Variants in MARCHF3 observed in about 807,000 individuals in gnomAD.
The protein encoded by MARCHF3 is E3 ubiquitin-protein ligase MARCHF3.
Under a neutral mutation model 24.2 loss-of-function variants are expected in MARCHF3, and 13 were observed. That is an observed-to-expected ratio of 0.54 (90% CI 0.35 to 0.85). The LOEUF is 0.85. Ranked by LOEUF, MARCHF3 falls within the 40% of genes least tolerant of loss-of-function variation. The pLI is 0.01. For synonymous variants in MARCHF3, 144 were observed against 137.3 expected, an observed-to-expected ratio of 1.05 and a Z score of -0.34; for missense variants, 276 against 325.0, an observed-to-expected ratio of 0.85 and a Z score of 1.16.
At chr5:126,990,582 A>G (rs971021727) in intron 1 of MARCHF3, among the ~76,000 whole-genome samples, 1 of 152,230 alleles carries the variant, frequency 6.6e-6, no homozygotes, top group Admixed American at 6.5e-5. Context: ...CTGCATGGCA[A>G]AAGAAACTAC....
At chr5:126,986,440 T>C (rs1197398576) in intron 1 of MARCHF3, among the ~76,000 whole-genome samples, 1 of 152,240 alleles carries the variant, frequency 6.6e-6, no homozygotes, top group East Asian at 1.9e-4. Flanking sequence ...CTCAAGGTAA[T>C]GTGAATAAAC....
At chr5:126,896,050 C>A (rs942463748) in intron 3 of MARCHF3, among the ~76,000 whole-genome samples, 1 of 152,122 alleles carries the variant, frequency 6.6e-6, no homozygotes, top group Non-Finnish European at 1.5e-5. Context: ...GCGCAGTATT[C>A]CGGTGGGAGT....
chr5:126,921,747 G>A (rs1005700140), intron 1 of MARCHF3, among the ~76,000 whole-genome samples: 8 of 152,166 alleles, frequency 5.3e-5, no homozygotes, highest in African/African-American at 1.7e-4. Flanking sequence ...ACATCAAACG[G>A]CACTGGTGGG....
At chr5:126,992,237 A>T (rs1399527162) in intron 1 of MARCHF3, among the ~76,000 whole-genome samples, 1 of 152,050 alleles carries the variant, frequency 6.6e-6, no homozygotes, top group African/African-American at 2.4e-5. Flanking sequence ...ATACCACAGG[A>T]TACCATATTT....
chr5:126,898,367 C>T (rs1021061458), intron 3 of MARCHF3, among the ~76,000 whole-genome samples: 4 of 152,020 alleles, frequency 2.6e-5, no homozygotes, highest in Non-Finnish European at 4.4e-5. Flanking sequence ...GCCACATCTT[C>T]GTCTAACGGA....
intron 4 of MARCHF3, among the ~76,000 whole-genome samples, chr5:126,877,152 T>C (rs2126766814): frequency 6.6e-6 from 1 of 152,174 alleles, no homozygotes; most frequent in South Asian, 2.1e-4. Context: ...AGCCATATGA[T>C]GAAGAAGAGG....
Position 126,894,693 on chromosome 5 carries a change from C to T in MARCHF3, c.394-16299G>A, listed in dbSNP as rs549504732. Reference sequence around the variant, plus strand: ...GATGGGCTTCCCTTTGAGGGTAACCCGCCCTTTCTCTCTGGCTGCCCTTAA... The same window carrying T: ...GATGGGCTTCCCTTTGAGGGTAACCTGCCCTTTCTCTCTGGCTGCCCTTAA... On this transcript the variant is annotated intron_variant, in intron 3 of 4. Coordinates refer to ENST00000308660, the MANE Select transcript of MARCHF3 (RefSeq NM_178450.5). Among the ~76,000 whole-genome samples, 138 of 151,998 alleles carry T rather than the reference C, an allele frequency of 9.1e-4. 1 individual carries two copies. In the South Asian group the frequency reaches 0.024, roughly 27 times the overall value.
intron 4 of MARCHF3, among the ~76,000 whole-genome samples, chr5:126,876,532 T>TA (rs1753163450): frequency 6.6e-6 from 1 of 152,196 alleles, no homozygotes; most frequent in South Asian, 2.1e-4. Context: ...GACCAGGAGT[T>TA]AGATAGTGCT....
At chr5:126,924,410 A>G (rs1056002088) in intron 1 of MARCHF3, among the ~76,000 whole-genome samples, 1 of 152,006 alleles carries the variant, frequency 6.6e-6, no homozygotes, top group Non-Finnish European at 1.5e-5. Context: ...CTGAAACGGG[A>G]AAAAAAATGG....
At chr5:126,921,795 ATTTC>A (rs1749116232) in intron 1 of MARCHF3, among the ~76,000 whole-genome samples, 1 of 152,114 alleles carries the variant, frequency 6.6e-6, no homozygotes, top group African/African-American at 2.4e-5. Flanking sequence ...ACCTTGCATA[ATTTC>A]TTTCTCAGGC....
intron 1 of MARCHF3, among the ~76,000 whole-genome samples, chr5:126,958,883 A>G (rs948256468): frequency 6.6e-6 from 1 of 152,218 alleles, no homozygotes; most frequent in Non-Finnish European, 1.5e-5. Flanking sequence ...CCAACAGTGG[A>G]ACAATCTAAG....
chr5:126,944,263 G>A (rs1749935416), intron 1 of MARCHF3, among the ~76,000 whole-genome samples: 1 of 152,078 alleles, frequency 6.6e-6, no homozygotes, highest in South Asian at 2.1e-4. Context: ...ACACTTCTCT[G>A]AACCACTGCA....
intron 1 of MARCHF3, among the ~76,000 whole-genome samples, chr5:126,970,728 AG>A (rs758269449): frequency 4.1e-4 from 63 of 152,232 alleles, no homozygotes; most frequent in Non-Finnish European, 4.4e-4. Context: ...TTTTCCAAAA[AG>A]GTCCAGAGCA....
chr5:126,912,703 C>T (rs753263829), intron 3 of MARCHF3, among the ~76,000 whole-genome samples: 10 of 152,182 alleles, frequency 6.6e-5, no homozygotes, highest in Admixed American at 1.3e-4. Flanking sequence ...AAACTCTGCC[C>T]GCACCTGGTT....
intron 3 of MARCHF3, among the ~76,000 whole-genome samples, chr5:126,892,951 T>C (rs1753747576): frequency 6.6e-6 from 1 of 151,802 alleles, no homozygotes; most frequent in Non-Finnish European, 1.5e-5. Context: ...CTATTGATTA[T>C]TGCCACAATT....
intron 3 of MARCHF3, among the ~76,000 whole-genome samples, chr5:126,897,362 G>A (rs1056106918): frequency 1.3e-5 from 2 of 151,742 alleles, no homozygotes; most frequent in Non-Finnish European, 2.9e-5. Flanking sequence ...ATGCGGATTT[G>A]GATGCCTTCT....
chr5:126,896,569 C>G (rs900083574), intron 3 of MARCHF3, among the ~76,000 whole-genome samples: 1 of 152,090 alleles, frequency 6.6e-6, no homozygotes, highest in Admixed American at 6.6e-5. Flanking sequence ...TTAAAGAACC[C>G]AAGTTAATAA....
In MARCHF3 at chr5:127,025,966, G is replaced by A. The variant is rs1752981979; in HGVS notation, c.-57+4384C>T. Among the ~76,000 whole-genome samples, 4 of 152,098 alleles carry A rather than the reference G, an allele frequency of 2.6e-5. No homozygotes were observed. In the South Asian group the frequency reaches 8.3e-4, roughly 31 times the overall value. On this transcript the variant is annotated intron_variant, in intron 1 of 4. Transcript: ENST00000308660. ...ATGGAAGAACTGGGAGATGTTAAGA[G>A]GGCAGACTGATTTAAAAAGTGAATT...
At chr5:126,957,389 A>C (rs1750485082) in intron 1 of MARCHF3, among the ~76,000 whole-genome samples, 1 of 152,016 alleles carries the variant, frequency 6.6e-6, no homozygotes, top group Admixed American at 6.5e-5. Flanking sequence ...CCTATCAATC[A>C]TTTTTTCTGC....
Sources: allele counts gnomAD v4.1 joint callset (sites outside exome capture counted in the v4.1 genomes callset), GRCh38; gene constraint gnomAD v4.1.1; transcripts MANE v1.5; gene names NCBI Gene and HGNC (gene_info 2026-07-23, HGNC 2026-07-21).